The following DGKI variants were observed in gnomAD, a reference collection of about 807,000 sequenced individuals.
DGKI encodes the protein DAG kinase iota.
A neutral mutation model predicts 147.5 loss-of-function variants in DGKI; 55 were observed. The ratio of observed to expected loss-of-function variants is 0.37; its 90% CI spans 0.30 to 0.47. DGKI has a LOEUF of 0.47. Among genes scored for constraint, DGKI ranks in the 20% least tolerant of loss-of-function variants. The pLI, the probability that DGKI is intolerant of heterozygous loss-of-function variation, is 1.00. For synonymous variants in DGKI, 469 were observed against 477.1 expected (o/e 0.98, Z 0.22); for missense variants, 1,007 against 1,323.8 (o/e 0.76, Z 3.71).
chr7:137,653,145 C>A (rs745565852), intron 5 of DGKI, among the ~76,000 whole-genome samples: 2 of 151,846 alleles, frequency 1.3e-5, no homozygotes, highest in Non-Finnish European at 2.9e-5. Context: ...TGTGTGTGTG[C>A]GCGCGCGTGC....
At chr7:137,401,197 A>C (rs569905651) in intron 30 of DGKI, among the ~76,000 whole-genome samples, 116 of 152,306 alleles carry the variant, frequency 7.6e-4, no homozygotes, top group Non-Finnish European at 1.2e-3. Flanking sequence ...GAGTCTCACT[A>C]ATAAAGGAAA....
intron 1 of DGKI, among the ~76,000 whole-genome samples, chr7:137,822,392 G>A (rs1002060559): frequency 2.6e-5 from 4 of 152,052 alleles, no homozygotes; most frequent in Admixed American, 6.6e-5. Flanking sequence ...GGGGGACAGA[G>A]CAAGACTCTG....
chr7:137,681,037 A>G (rs1823217933), intron 2 of DGKI, among the ~76,000 whole-genome samples: 1 of 152,188 alleles, frequency 6.6e-6, no homozygotes, highest in South Asian at 2.1e-4. Flanking sequence ...GCAGGAAGGG[A>G]CAAGAGAATG....
chr7:137,404,156 C>T (rs758418430), intron 30 of DGKI, among the ~76,000 whole-genome samples: 6 of 152,046 alleles, frequency 3.9e-5, no homozygotes, highest in Non-Finnish European at 8.8e-5. Flanking sequence ...AAAGGAGTTT[C>T]TATCATCTAA....
intron 23 of DGKI, among the ~76,000 whole-genome samples, 193 bp from the exon 24 acceptor site, chr7:137,469,812 T>C (rs572836867): frequency 2.0e-5 from 3 of 152,320 alleles, no homozygotes; most frequent in South Asian, 2.1e-4. Flanking sequence ...AATGACTCCC[T>C]CATAAAATTA....
chr7:137,721,793 C>A (rs375619176), intron 1 of DGKI, among the ~76,000 whole-genome samples: 21 of 152,192 alleles, frequency 1.4e-4, no homozygotes, highest in Admixed American at 6.5e-4. Context: ...TATGCCCAGT[C>A]TGTGCCCTGG....
chr7:137,610,780 T>A (rs1235394844), intron 8 of DGKI, among the ~76,000 whole-genome samples: 4 of 152,214 alleles, frequency 2.6e-5, no homozygotes, highest in African/African-American at 9.7e-5. Flanking sequence ...ATATACTAAG[T>A]CATCCAAATT....
At chr7:137,665,342 T>A (rs1822597614) in intron 3 of DGKI, among the ~76,000 whole-genome samples, 1 of 152,166 alleles carries the variant, frequency 6.6e-6, no homozygotes, top group African/African-American at 2.4e-5. Context: ...TCAGTGTGAA[T>A]TCCTTATATT....
rs1259648657 is a variant in DGKI at position 137,389,993 on chromosome 7, G to A, written c.*1227C>T. ...TCTGGCAGTGGAACTCATACAACAA[G>A]CCTTTGTTCTTGGGTCAAGGATTAC... is the stretch of plus-strand genomic sequence containing the variant. On this transcript the variant is annotated 3_prime_UTR_variant, in exon 33 of 33. Coordinates refer to ENST00000614521, the MANE Select transcript of DGKI (RefSeq NM_001321708.2). 1 of 152,152 alleles carries A rather than the reference G, an allele frequency of 6.6e-6. No individual in the cohort carries two copies. The highest frequency in any genetic ancestry group is 1.9e-4 in the East Asian group (1 of 5,188). The allele number at this position is 152,152 out of a possible 1,614,324, so 9.4% of individuals were successfully genotyped here. A position where few individuals can be genotyped will look rare whatever the true frequency, so the allele number is the denominator to read the frequency against.
At chr7:137,552,939 T>G (rs1194741429) in intron 19 of DGKI, among the ~76,000 whole-genome samples, 2 of 151,802 alleles carry the variant, frequency 1.3e-5, no homozygotes, top group Admixed American at 1.3e-4. Context: ...AAAAGAAAGC[T>G]GGAAACCCCC....
At chr7:137,695,057 T>C (rs1311462702) in intron 1 of DGKI, among the ~76,000 whole-genome samples, 3 of 152,226 alleles carry the variant, frequency 2.0e-5, no homozygotes, top group Non-Finnish European at 1.5e-5. Context: ...AAAAAATCAC[T>C]TTTGGTATTG....
chr7:137,603,143 G>A (rs1256794028), intron 10 of DGKI, among the ~76,000 whole-genome samples: 1 of 152,128 alleles, frequency 6.6e-6, no homozygotes, highest in Admixed American at 6.5e-5. Flanking sequence ...TTAGGTAGGA[G>A]AATACAGAGA....
chr7:137,669,134 A>G (rs1822751842), intron 3 of DGKI, among the ~76,000 whole-genome samples: 1 of 152,212 alleles, frequency 6.6e-6, no homozygotes. Context: ...TCTGATTCCA[A>G]AGCTCACACG....
chr7:137,802,994 A>G (rs1797260774), intron 1 of DGKI, among the ~76,000 whole-genome samples: 1 of 152,250 alleles, frequency 6.6e-6, no homozygotes, highest in East Asian at 1.9e-4. Flanking sequence ...ACTAAAAATA[A>G]TGAATACAAA....
rs549655698 is a variant in DGKI, at chr7:137,843,100, C to G, written c.401+3362G>C. On this transcript the variant is annotated intron_variant, in intron 1 of 32. Transcript: ENST00000614521. ...TCAATAAAATGGAAATAGTCATAGT[C>G]ACATCACAGGACTGTCACAAAGATT... is the stretch of plus-strand genomic sequence containing the variant. Among the ~76,000 whole-genome samples, 15 of 152,296 alleles carry G rather than the reference C, an allele frequency of 9.8e-5. No homozygotes were observed. The South Asian group carries it at 1.9e-3, about 19-fold the overall frequency.
chr7:137,778,113 T>A (rs1347400558), intron 1 of DGKI, among the ~76,000 whole-genome samples: 2 of 152,182 alleles, frequency 1.3e-5, no homozygotes, highest in Admixed American at 1.3e-4. Flanking sequence ...ACAAAAACAT[T>A]AGGAAAATAT....
chr7:137,616,727 AT>A (rs563073266), intron 8 of DGKI, among the ~76,000 whole-genome samples: 21 of 152,122 alleles, frequency 1.4e-4, no homozygotes, highest in Non-Finnish European at 2.6e-4. Context: ...TAATTAAGTA[AT>A]TTCGTAATGA....
chr7:137,786,924 G>A (rs1215722646), intron 1 of DGKI, among the ~76,000 whole-genome samples: 1 of 152,126 alleles, frequency 6.6e-6, no homozygotes, highest in Non-Finnish European at 1.5e-5. Context: ...CAAGTCACAT[G>A]TAGCAGAATG....
At chr7:137,672,766 C>CTTTTTTTTTTTTTTTTTT (rs60078498) in intron 3 of DGKI, among the ~76,000 whole-genome samples, 3 of 65,690 alleles carry the variant, frequency 4.6e-5, no homozygotes, top group African/African-American at 2.2e-4. Context: ...CTCTGTGTGT[C>CTTTTTTTTTTTTTTTTTT]TTTTTTTTTT....
Sources: gnomAD v4.1 joint callset for allele counts (sites outside exome capture counted in the v4.1 genomes callset) on GRCh38, gnomAD v4.1.1 for gene constraint, MANE v1.5 for transcripts, NCBI Gene and HGNC (gene_info 2026-07-23, HGNC 2026-07-21) for gene names.